KRT79: variants seen among roughly 807,000 people sequenced by gnomAD.
KRT79 encodes the protein keratin, type II cytoskeletal 79.
KRT79 carries 51 observed loss-of-function variants against 49.0 expected under a neutral mutation model. That is an observed-to-expected ratio of 1.04 (90% CI 0.83 to 1.31). The LOEUF (loss-of-function observed/expected upper bound fraction) is 1.31, where lower values mean the gene tolerates loss of function less well. Ranked by LOEUF, KRT79 falls within the 40% of genes most tolerant of loss-of-function variation. The pLI, the probability that KRT79 is intolerant of heterozygous loss-of-function variation, is 0.00. For synonymous variants in KRT79, 312 were observed against 286.6 expected (o/e 1.09, Z -0.90); for missense variants, 728 against 688.0 (o/e 1.06, Z -0.65).
intron 4 of KRT79, 89 bp downstream of exon 4, chr12:52,829,934 C>T: frequency 9.5e-7 from 1 of 1,047,982 alleles, no homozygotes; most frequent in Non-Finnish European, 1.5e-6. Flanking sequence ...AATGAGGTTG[C>T]ACTGGTGAAT....
chr12:52,834,267 A>C lies in KRT79; in HGVS notation c.-7T>G, dbSNP rs760021553. The C allele has an allele frequency of 1.1e-5, 17 of 1,609,136 alleles. No individual in the cohort carries two copies. The highest frequency in any genetic ancestry group is 3.8e-4 in the Middle Eastern group (2 of 5,308). The stretch of plus-strand genomic sequence containing the variant: ...GAGAGACGGAGGACCTCATAGCTGC[A>C]GAGGGGCCGGAGGGCAGGATGAGAG... On this transcript the variant is annotated 5_prime_UTR_variant, in exon 1 of 9. Coordinates refer to ENST00000330553, the MANE Select transcript of KRT79 (RefSeq NM_175834.3).
rs140997755 is a variant in KRT79 at position 52,825,193 on chromosome 12, A to C, written c.856-831T>G. Among the ~76,000 whole-genome samples, 62 of 152,234 alleles carry C rather than the reference A, an allele frequency of 4.1e-4. No individual in the cohort carries two copies. In the East Asian group the frequency reaches 0.011, roughly 27 times the overall value. ...TGGTCCTTCCTGCTCTGGGCTGCCC[A>C]TAGAATGCCCTAAACTCCAGCTCTG... On this transcript the variant is annotated intron_variant, in intron 4 of 8. Coordinates refer to ENST00000330553, the MANE Select transcript of KRT79 (RefSeq NM_175834.3).
chr12:52,832,693 G>T (rs372375078), intron 1 of KRT79, among the ~76,000 whole-genome samples: 1 of 152,182 alleles, frequency 6.6e-6, no homozygotes, highest in Non-Finnish European at 1.5e-5. Flanking sequence ...CTGGGCCTCA[G>T]TCACATGCCC....
chr12:52,831,470 C>A lies in KRT79; in HGVS notation c.634G>T (p.Glu212Ter). 6.2e-7 allele frequency: 1 copy of A among 1,614,236 alleles called. No individual in the cohort carries two copies. Among genetic ancestry groups the A allele is most frequent in the East Asian group, 2.2e-5 (1 of 44,892 alleles). ...AGCTCTGAGTCCAGCCTCCCCCGCTCGCTCTGAAGTCTGTCCAGCGTGCTC... is the reference window on the plus strand; with the variant it reads ...AGCTCTGAGTCCAGCCTCCCCCGCTAGCTCTGAAGTCTGTCCAGCGTGCTC... ...MRSTLDRLQS[E>*]RGRLDSELRN... The change falls in exon 2 of 9, where the codon GAG becomes TAG. Residue 212 changes from glutamate to a stop codon, truncating the protein, a stop_gained. Transcript: ENST00000330553. LOFTEE classifies it high-confidence loss of function.
intron 2 of KRT79, 163 bp from the exon 3 acceptor site, chr12:52,830,455 G>T: frequency 1.6e-6 from 1 of 610,584 alleles, no homozygotes; most frequent in Non-Finnish European, 2.9e-6. Context: ...CATGGGGTCT[G>T]CCTTGATTTA....
chr12:52,829,923 C>A, intron 4 of KRT79, 100 bp downstream of exon 4: 1 of 958,642 alleles, frequency 1.0e-6, no homozygotes, highest in Non-Finnish European at 1.7e-6. Flanking sequence ...CATCTTCCAC[C>A]AATGAGGTTG....
At chr12:52,833,203 T>C (rs1431799653) in intron 1 of KRT79, among the ~76,000 whole-genome samples, 1 of 152,086 alleles carries the variant, frequency 6.6e-6, no homozygotes, top group East Asian at 1.9e-4. Context: ...CCACCCCAAA[T>C]TGAGCTTCTT....
chr12:52,828,773 G>A (rs955496748), intron 4 of KRT79, among the ~76,000 whole-genome samples: 4 of 152,206 alleles, frequency 2.6e-5, no homozygotes, highest in African/African-American at 7.2e-5. Context: ...CTATTAGGCT[G>A]CATCAATAGA....
chr12:52,822,342 C>T lies in KRT79; in HGVS notation c.1402+3G>A, dbSNP rs970294239. The stretch of plus-strand genomic sequence containing the variant: ...GAGCAGGAAGTGGGGAGTAAATACT[C>T]ACAAATGCTGACTGCACTGGGACAT... On this transcript the variant is annotated splice_donor_region_variant and intron_variant, in intron 8 of 8. Transcript: ENST00000330553. 5.0e-6 allele frequency: 8 copies of T among 1,606,636 alleles called. No homozygotes were observed. In the Admixed American group the frequency reaches 5.1e-5, roughly 10 times the overall value.
chr12:52,830,171 C>G, intron 3 of KRT79, 53 bp from the exon 4 acceptor site: 1 of 1,612,368 alleles, frequency 6.2e-7, no homozygotes, highest in Non-Finnish European at 8.5e-7. Context: ...GTCCCCTCTC[C>G]CCGAATCAGC....
intron 4 of KRT79, among the ~76,000 whole-genome samples, chr12:52,825,840 C>T (rs1000099622): frequency 4.6e-5 from 7 of 152,270 alleles, no homozygotes; most frequent in East Asian, 3.9e-4. Flanking sequence ...CTGAGCCTTG[C>T]GATGCCTCAG....
intron 2 of KRT79, 23 bp downstream of exon 2, chr12:52,831,383 C>G (rs1357143223): frequency 6.2e-7 from 1 of 1,609,570 alleles, no homozygotes; most frequent in Non-Finnish European, 8.5e-7. Context: ...CCCACATGGC[C>G]CCGCCTGGCC....
At position 52,824,350 on chromosome 12, in the gene KRT79, C is replaced by T. The variant is rs777617352; in HGVS notation, c.868G>A (p.Val290Met). 8.1e-6 allele frequency: 13 copies of T among 1,614,022 alleles called. No individual in the cohort carries two copies. In the South Asian group the frequency reaches 1.4e-4, roughly 18 times the overall value. The change falls in exon 5 of 9, where the codon GTG becomes ATG. Residue 290 changes from valine to methionine, a missense_variant. By Grantham distance (21) the Val-to-Met change is conservative (BLOSUM62 1). Coordinates refer to ENST00000330553, the MANE Select transcript of KRT79 (RefSeq NM_175834.3). ...TTGGTGTTAGACACGTGGGTCTGCA[C>T]TTGGCTCAGCTCCTGAAGAATCAGA... ...QQLYEMELSQ[V>M]QTHVSNTNVV...
rs1253086172 is a variant in KRT79, at chr12:52,821,853, C to G, written c.*19G>C. 1.2e-6 allele frequency: 2 copies of G among 1,609,930 alleles called. No homozygotes were observed. The highest frequency in any genetic ancestry group is 1.7e-6 in the Non-Finnish European group (2 of 1,177,668). The stretch of plus-strand genomic sequence containing the variant: ...GAGGGCAGGGACAGGATTGCAGGGG[C>G]CCTTGCAGGGCTCAGCAGCTAATAC... On this transcript the variant is annotated 3_prime_UTR_variant, in exon 9 of 9. Transcript: ENST00000330553.
At chr12:52,823,271 C>T (rs375551674) in intron 6 of KRT79, 35 bp from the exon 7 acceptor site, 141 of 1,569,648 alleles carry the variant, frequency 9.0e-5, no homozygotes, top group Admixed American at 1.9e-4. Context: ...AAGCACCCTC[C>T]GGGGTCATCC....
At chr12:52,824,037 C>T (rs529425237) in intron 5 of KRT79, 25 bp from the exon 6 acceptor site, 36 of 1,613,952 alleles carry the variant, frequency 2.2e-5, no homozygotes, top group South Asian at 1.4e-4. Context: ...AGTGGCAGTG[C>T]GCTTTCAAAT....
At chr12:52,822,891 C>T (rs567149447) in intron 7 of KRT79, 125 bp downstream of exon 7, 80 of 892,190 alleles carry the variant, frequency 9.0e-5, no homozygotes, top group East Asian at 1.6e-4. Flanking sequence ...ATTTTCCCCC[C>T]GCGTGAGTCA....
chr12:52,825,443 C>T (rs1940163412), intron 4 of KRT79, among the ~76,000 whole-genome samples: 1 of 152,194 alleles, frequency 6.6e-6, no homozygotes, highest in African/African-American at 2.4e-5. Context: ...CAGGTACTAA[C>T]TCATTACATG....
Position 52,833,964 on chromosome 12 carries a change from C to A in KRT79, c.297G>T (p.Gly99=), listed in dbSNP as rs781221492. 2 of 1,613,278 alleles carry A rather than the reference C, an allele frequency of 1.2e-6. No homozygotes were observed. The highest frequency in any genetic ancestry group is 1.1e-5 in the South Asian group (1 of 91,020). Residue 99 remains glycine (G), a synonymous_variant, in exon 1 of 9, where the codon GGG becomes GGT. Transcript: ENST00000330553. ...GFGSRAFMGQ[G]AGRQTFGPAC... ...CAGGCCCAAACGTCTGCCTGCCAGC[C>A]CCCTGTCCCATAAATGCCCTGCTGC...
Sources: allele counts gnomAD v4.1 joint callset (sites outside exome capture counted in the v4.1 genomes callset), GRCh38; gene constraint gnomAD v4.1.1; transcripts MANE v1.5; gene names NCBI Gene and HGNC (gene_info 2026-07-23, HGNC 2026-07-21).